PHACTR1: variants seen among roughly 807,000 people sequenced by gnomAD.
PHACTR1 encodes phosphatase and actin regulator 1, also known as RPEL repeat containing 1.
Under a neutral mutation model 69.2 loss-of-function variants are expected in PHACTR1, and 16 were observed. That is an observed-to-expected ratio of 0.23 (90% confidence interval 0.16 to 0.35). PHACTR1 has a LOEUF of 0.35. PHACTR1 is among the 10% of genes least tolerant of loss of function. The pLI, the probability that PHACTR1 is intolerant of heterozygous loss-of-function variation, is 1.00. For synonymous variants in PHACTR1, 312 were observed against 284.5 expected, an observed-to-expected ratio of 1.10 and a Z score of -0.97; for missense variants, 510 against 734.7, an observed-to-expected ratio of 0.69 and a Z score of 3.54.
intron 6 of PHACTR1, among the ~76,000 whole-genome samples, chr6:13,174,451 A>C (rs538150915): frequency 2.0e-5 from 3 of 152,242 alleles, no homozygotes; most frequent in Non-Finnish European, 2.9e-5. Context: ...ACAAAGATGC[A>C]GTGTAGTTAA....
intron 12 of PHACTR1, chr6:13,280,990 C>T (rs1175523247): frequency 7.8e-7 from 1 of 1,289,592 alleles, no homozygotes; most frequent in Non-Finnish European, 1.0e-6. Context: ...CCAACTGTGA[C>T]TCTGAGAGGC....
chr6:12,986,535 G>T (rs796419108), intron 4 of PHACTR1, among the ~76,000 whole-genome samples: 5 of 152,252 alleles, frequency 3.3e-5, no homozygotes, highest in African/African-American at 1.2e-4. Flanking sequence ...ATTCCCCCCA[G>T]TGTTTGTTTG....
intron 5 of PHACTR1, among the ~76,000 whole-genome samples, chr6:13,066,325 G>T (rs1334177460): frequency 6.6e-6 from 1 of 152,190 alleles, no homozygotes; most frequent in Non-Finnish European, 1.5e-5. Flanking sequence ...AAGTCAGTAA[G>T]ACAGCCAGCC....
Position 12,919,917 on chromosome 6 carries a change from A to G in PHACTR1, c.251-133448A>G, listed in dbSNP as rs76094786. Among the ~76,000 whole-genome samples, 470 of 152,298 alleles carry G rather than the reference A, an allele frequency of 3.1e-3. 1 individual carries two copies. The highest frequency in any genetic ancestry group is 0.011 in the African/African-American group (438 of 41,572). On this transcript the variant is annotated intron_variant, in intron 4 of 14. Transcript: ENST00000332995. ...ACTGGTTTTATTGTCATAGGGGCCT[A>G]AATTCAATTCACACACATTACTGCT...
rs59616134 is a variant in PHACTR1, at chr6:12,808,834, CCCT to C, written c.250+59060_250+59062del. ...CTCCTTCTTATCCCCTTCCCCCTCC[CCCT>C]CCTCCTCCTCCTCCTTCTTCTTCTT... On this transcript the variant is annotated intron_variant, in intron 4 of 14. Coordinates refer to ENST00000332995, the MANE Select transcript of PHACTR1 (RefSeq NM_030948.6). Among the ~76,000 whole-genome samples, 419 of 150,798 alleles carry C rather than the reference CCCT, an allele frequency of 2.8e-3. 4 individuals carry two copies. Among genetic ancestry groups the C allele is most frequent in the African/African-American group, 9.5e-3 (390 of 40,842 alleles).
chr6:12,847,900 C>G (rs748986971), intron 4 of PHACTR1, among the ~76,000 whole-genome samples: 3 of 152,142 alleles, frequency 2.0e-5, no homozygotes, highest in Admixed American at 6.5e-5. Flanking sequence ...ATTTCTATCT[C>G]ACTGATACCA....
rs62388198 is a variant in PHACTR1, at chr6:13,020,041, G to A, written c.251-33324G>A. 8.7e-3 allele frequency among the ~76,000 whole-genome samples: 1,325 copies of A among 152,278 alleles called. 16 individuals are homozygous for A. The highest frequency in any genetic ancestry group is 0.051 in the Middle Eastern group (15 of 294). On this transcript the variant is annotated intron_variant, in intron 4 of 14. Transcript: ENST00000332995. ...GCTGAGCTGAAAGCCAAGAGATAAA[G>A]GTGAGTTTGTTGAAGGCCAGGTAGC... is the stretch of plus-strand genomic sequence containing the variant.
chr6:13,091,964 A>AT (rs1293387387), intron 5 of PHACTR1, among the ~76,000 whole-genome samples: 1 of 151,934 alleles, frequency 6.6e-6, no homozygotes, highest in Non-Finnish European at 1.5e-5. Flanking sequence ...CGCCTGGCTA[A>AT]TTTTTTTGCA....
At chr6:12,820,412 C>T (rs1776076715) in intron 4 of PHACTR1, among the ~76,000 whole-genome samples, 1 of 152,148 alleles carries the variant, frequency 6.6e-6, no homozygotes, top group African/African-American at 2.4e-5. Context: ...AATCTCCTGA[C>T]TTCATGATTC....
chr6:12,993,417 A>G (rs948305960), intron 4 of PHACTR1, among the ~76,000 whole-genome samples: 1 of 152,170 alleles, frequency 6.6e-6, no homozygotes, highest in African/African-American at 2.4e-5. Flanking sequence ...AATCAGAAGA[A>G]CTTTCAGCAG....
intron 12 of PHACTR1, 145 bp downstream of exon 12, chr6:13,278,474 A>C (rs1172015560): frequency 4.5e-6 from 3 of 659,752 alleles, no homozygotes; most frequent in Non-Finnish European, 5.2e-6. Flanking sequence ...ACTCTATAAG[A>C]CCTCTCCACT....
chr6:13,272,336 C>T lies in PHACTR1; in HGVS notation c.1392-524C>T, dbSNP rs192292104. The stretch of plus-strand genomic sequence containing the variant: ...TTGCCACTCATGTCTTCTAAGCCTC[C>T]GAAATAAGAGGAGCAGGACCAGAAG... On this transcript the variant is annotated intron_variant, in intron 10 of 14. Transcript: ENST00000332995. The T allele has an allele frequency of 8.8e-3, 1,365 of 155,398 alleles. 12 individuals carry two copies. Among genetic ancestry groups the T allele is most frequent in the Non-Finnish European group, 0.015 (1,017 of 69,696 alleles). 9.6% of individuals were successfully genotyped at this position (155,398 alleles called of 1,614,324 possible). A position where few individuals can be genotyped will look rare whatever the true frequency, so the allele number is the denominator to read the frequency against.
chr6:13,228,614 C>T (rs1213376724), intron 9 of PHACTR1, among the ~76,000 whole-genome samples: 1 of 152,180 alleles, frequency 6.6e-6, no homozygotes, highest in East Asian at 1.9e-4. Flanking sequence ...GTGAGTACAG[C>T]CTGATATTTG....
intron 4 of PHACTR1, among the ~76,000 whole-genome samples, chr6:12,792,623 T>G (rs1389877766): frequency 6.6e-6 from 1 of 152,062 alleles, no homozygotes; most frequent in Non-Finnish European, 1.5e-5. Context: ...TTGCGAAAAT[T>G]TCAGTGCTAT....
chr6:12,731,036 G>A (rs1448161743), intron 3 of PHACTR1, among the ~76,000 whole-genome samples: 1 of 91,312 alleles, frequency 1.1e-5, no homozygotes, highest in African/African-American at 4.0e-5. Flanking sequence ...ATTTATTTGA[G>A]ATGGAGTCTT....
At chr6:13,086,646 C>T (rs759948809) in intron 5 of PHACTR1, among the ~76,000 whole-genome samples, 13 of 152,016 alleles carry the variant, frequency 8.6e-5, no homozygotes, top group East Asian at 1.9e-4. Flanking sequence ...GTGTATCTGT[C>T]GTTTATTCCT....
intron 5 of PHACTR1, among the ~76,000 whole-genome samples, chr6:13,127,908 TTTGA>T (rs1401357988): frequency 6.6e-6 from 1 of 152,068 alleles, no homozygotes; most frequent in African/African-American, 2.4e-5. Context: ...AGGAAAGAAG[TTTGA>T]TTGACTCAGT....
chr6:12,924,948 C>A (rs142161978), intron 4 of PHACTR1, among the ~76,000 whole-genome samples: 180 of 152,066 alleles, frequency 1.2e-3, no homozygotes, highest in Non-Finnish European at 2.0e-3. Flanking sequence ...ATTAGCATTA[C>A]CCCTCAATAC....
intron 3 of PHACTR1, among the ~76,000 whole-genome samples, chr6:12,748,336 G>A (rs1373516347): frequency 6.6e-6 from 1 of 152,194 alleles, no homozygotes; most frequent in Non-Finnish European, 1.5e-5. Context: ...CCGCTGAAGT[G>A]GAGAGGGGGG....
Sources: allele counts gnomAD v4.1 joint callset (sites outside exome capture counted in the v4.1 genomes callset), GRCh38; gene constraint gnomAD v4.1.1; transcripts MANE v1.5; gene names NCBI Gene and HGNC (gene_info 2026-07-23, HGNC 2026-07-21).